PCBP3: variants seen among roughly 807,000 people sequenced by gnomAD.
PCBP3 encodes poly(rC)-binding protein 3.
A neutral mutation model predicts 52.7 loss-of-function variants in PCBP3; 25 were observed. The observed-to-expected ratio is 0.47, with a 90% CI of 0.35 to 0.66. PCBP3 has a LOEUF of 0.66. Among genes scored for constraint, PCBP3 ranks in the 30% least tolerant of loss-of-function variants. PCBP3 has a pLI of 0.01. For synonymous variants in PCBP3, 162 were observed against 183.0 expected, an observed-to-expected ratio of 0.89 and a Z score of 0.93; for missense variants, 391 against 490.3, an observed-to-expected ratio of 0.80 and a Z score of 1.91.
At chr21:45,720,522 T>TA (rs1044361882) in intron 2 of PCBP3, among the ~76,000 whole-genome samples, 3 of 152,156 alleles carry the variant, frequency 2.0e-5, no homozygotes, top group Admixed American at 6.5e-5. Context: ...AAAAAAGTAA[T>TA]AAAAAAAGAA....
chr21:45,814,531 G>C, intron 4 of PCBP3, among the ~76,000 whole-genome samples: 1 of 85,186 alleles, frequency 1.2e-5, no homozygotes, highest in South Asian at 3.8e-4. Context: ...GTGAGTGAGT[G>C]ATGAGTGGTG....
chr21:45,646,083 T>TCTTTCTC (rs1206207801), intron 1 of PCBP3, among the ~76,000 whole-genome samples: 3 of 99,570 alleles, frequency 3.0e-5, no homozygotes, highest in African/African-American at 8.5e-5. Flanking sequence ...CTCTCTCTCT[T>TCTTTCTC]TCTCTCTCTC....
At chr21:45,703,862 C>T (rs562894983) in intron 2 of PCBP3, among the ~76,000 whole-genome samples, 1 of 152,214 alleles carries the variant, frequency 6.6e-6, no homozygotes, top group South Asian at 2.1e-4. Context: ...TGGCTCTTGG[C>T]TTGATAGCCT....
At chr21:45,843,764 C>A (rs1287303954) in intron 4 of PCBP3, among the ~76,000 whole-genome samples, 1 of 152,114 alleles carries the variant, frequency 6.6e-6, no homozygotes, top group African/African-American at 2.4e-5. Context: ...TTGTTGAAAC[C>A]TGCAATATGA....
In PCBP3 at chr21:45,697,754, CAA is replaced by C. The variant is rs5844246; in HGVS notation, c.-200+28818_-200+28819del. Among the ~76,000 whole-genome samples the C allele has an allele frequency of 6.1e-3, 799 of 131,900 alleles. 6 individuals carry two copies. The highest frequency in any genetic ancestry group is 0.013 in the East Asian group (56 of 4,256). The allele number at this position is 131,900 out of a possible 152,430, so 86.5% of individuals were successfully genotyped here. On this transcript the variant is annotated intron_variant, in intron 2 of 17. Transcript: ENST00000681687. ...TGGGCAACAGAGGGAGACCCTGTCT[CAA>C]AAAAAAAAAAAAAAATTACAAAGGA...
At chr21:45,924,764 G>A (rs1283572808) in intron 13 of PCBP3, among the ~76,000 whole-genome samples, 1 of 55,460 alleles carries the variant, frequency 1.8e-5, no homozygotes, top group Non-Finnish European at 3.4e-5. Context: ...TGAACACCGG[G>A]AACGGTCGAG....
At chr21:45,760,517 C>T (rs1280525770) in intron 4 of PCBP3, 1 of 152,148 alleles carries the variant, frequency 6.6e-6, no homozygotes, top group African/African-American at 2.4e-5. Context: ...ATAATTGACT[C>T]CAAGGTCATG....
At chr21:45,820,790 C>T (rs933495374) in intron 4 of PCBP3, among the ~76,000 whole-genome samples, 7 of 152,116 alleles carry the variant, frequency 4.6e-5, no homozygotes, top group Admixed American at 6.5e-5. Context: ...CCTTTTCTCC[C>T]GGTTTAGAAA....
intron 5 of PCBP3, among the ~76,000 whole-genome samples, chr21:45,868,169 A>G (rs987473110): frequency 6.6e-6 from 1 of 152,244 alleles, no homozygotes; most frequent in African/African-American, 2.4e-5. Context: ...ATCAAGTCAC[A>G]GAACACCTGG....
chr21:45,861,254 C>T (rs772534300), intron 5 of PCBP3, among the ~76,000 whole-genome samples: 1 of 152,238 alleles, frequency 6.6e-6, no homozygotes, highest in Non-Finnish European at 1.5e-5. Flanking sequence ...CAGCACCCAC[C>T]TGGGCCTCAC....
intron 9 of PCBP3, among the ~76,000 whole-genome samples, chr21:45,906,123 A>G (rs1414680336): frequency 6.6e-6 from 1 of 152,184 alleles, no homozygotes; most frequent in Non-Finnish European, 1.5e-5. Context: ...CAAGTTCATC[A>G]TTGTCCTCCC....
rs1416681652 is a variant in PCBP3 at position 45,704,987 on chromosome 21, C to T, written c.-199-30405C>T. On this transcript the variant is annotated intron_variant, in intron 2 of 17. Coordinates refer to ENST00000681687, the MANE Select transcript of PCBP3 (RefSeq NM_001384156.1). This position sits in a 1 kb window ranked among gnomAD's most constrained non-coding sequence, Gnocchi z 4.1. ...GAGCCCATCTTGGGGAGGTGTGCCT[C>T]TTTTTTCTGGCTTCGGTGTGCTGAT... 6.6e-6 allele frequency among the ~76,000 whole-genome samples: 1 copy of T among 152,172 alleles called. No individual in the cohort carries two copies. Among genetic ancestry groups the T allele is most frequent in the Non-Finnish European group, 1.5e-5 (1 of 68,024 alleles).
In PCBP3 at chr21:45,928,450, A is replaced by T. The variant is rs1259561549; in HGVS notation, c.718-1467A>T. Among the ~76,000 whole-genome samples, 1 of 151,930 alleles carries T rather than the reference A, an allele frequency of 6.6e-6. No homozygotes were observed. Among genetic ancestry groups the T allele is most frequent in the Non-Finnish European group, 1.5e-5 (1 of 67,954 alleles). Reference sequence around the variant, plus strand: ...TGAGGAAGGAAGGGCCTTTATCTTGACTCTGGGTGAACTCTTAGGGGAGGG... The same window carrying T: ...TGAGGAAGGAAGGGCCTTTATCTTGTCTCTGGGTGAACTCTTAGGGGAGGG... On this transcript the variant is annotated intron_variant, in intron 13 of 17. Transcript: ENST00000681687. The surrounding 1 kb of genome is among the most constrained non-coding windows in gnomAD (Gnocchi z 4.1).
chr21:45,862,898 AG>A (rs2094564213), intron 5 of PCBP3, among the ~76,000 whole-genome samples: 1 of 152,196 alleles, frequency 6.6e-6, no homozygotes, highest in Non-Finnish European at 1.5e-5. Context: ...AACAGAACAG[AG>A]GGTGACTTTC....
intron 2 of PCBP3, among the ~76,000 whole-genome samples, chr21:45,685,046 C>T (rs1047100718): frequency 6.6e-6 from 1 of 152,168 alleles, no homozygotes; most frequent in African/African-American, 2.4e-5. Context: ...TTGGCTTGAA[C>T]ATTTTGAGTA....
At chr21:45,745,366 A>C (rs771163255) in intron 3 of PCBP3, among the ~76,000 whole-genome samples, 2 of 152,128 alleles carry the variant, frequency 1.3e-5, no homozygotes, top group Non-Finnish European at 2.9e-5. Flanking sequence ...ATAAGGTCAG[A>C]TGCTCTCGTT....
chr21:45,644,976 C>T (rs2079161314), intron 1 of PCBP3, among the ~76,000 whole-genome samples: 1 of 152,182 alleles, frequency 6.6e-6, no homozygotes. Flanking sequence ...AGAACTAACT[C>T]CCAGTCCTCC....
intron 16 of PCBP3, among the ~76,000 whole-genome samples, chr21:45,938,539 C>T (rs2077119255): frequency 6.6e-6 from 1 of 152,176 alleles, no homozygotes; most frequent in Non-Finnish European, 1.5e-5. Flanking sequence ...AATTAGGAAA[C>T]CACCCTCCTA....
At chr21:45,852,431 CCCTG>C (rs2094061275) in intron 5 of PCBP3, among the ~76,000 whole-genome samples, 1 of 62,186 alleles carries the variant, frequency 1.6e-5, no homozygotes, top group African/African-American at 6.7e-5. Context: ...CCTGCAGCCA[CCCTG>C]ACTTCTGTTC....
Sources: allele counts gnomAD v4.1 joint callset (sites outside exome capture counted in the v4.1 genomes callset), GRCh38; gene constraint gnomAD v4.1.1; non-coding constraint Gnocchi (gnomAD v3.1); transcripts MANE v1.5; gene names NCBI Gene and HGNC (gene_info 2026-07-23, HGNC 2026-07-21).